The following NFIC variants were observed in gnomAD, a reference collection of about 807,000 sequenced individuals.
The protein encoded by NFIC is nuclear factor 1 C-type.
Under a neutral mutation model 54.4 loss-of-function variants are expected in NFIC, and 12 were observed. The ratio of observed to expected loss-of-function variants is 0.22; its 90% CI spans 0.14 to 0.36. The LOEUF (loss-of-function observed/expected upper bound fraction) is 0.36, where lower values mean the gene tolerates loss of function less well. Among genes scored for constraint, NFIC ranks in the 10% least tolerant of loss-of-function variants. NFIC has a pLI of 1.00. For missense variants in NFIC, 575 were observed against 718.2 expected (o/e 0.80, Z 2.28); for synonymous variants, 322 against 319.2 (o/e 1.01, Z -0.09).
chr19:3,373,625 C>CCCA (rs1555739696), intron 1 of NFIC, among the ~76,000 whole-genome samples: 1 of 124,462 alleles, frequency 8.0e-6, no homozygotes, highest in African/African-American at 3.1e-5. Context: ...GGACCCCCCC[C>CCCA]CCAAGCTAAA....
intron 1 of NFIC, among the ~76,000 whole-genome samples, chr19:3,380,700 C>T (rs2081193063): frequency 6.8e-6 from 1 of 147,558 alleles, no homozygotes; most frequent in Non-Finnish European, 1.5e-5. Context: ...GGCACCATCA[C>T]AGCTCACTGC....
At position 3,464,830 on chromosome 19, in the gene NFIC, G is replaced by C. The variant is rs2082695331; in HGVS notation, c.*2061G>C. On this transcript the variant is annotated 3_prime_UTR_variant, in exon 11 of 11. Transcript: ENST00000443272. ...GTCTGTCCTCGGGGCCCGCTCCCCC[G>C]GTGGCCCTTGGGGATCAAAGCGTGG... 1 of 513,368 alleles carries C rather than the reference G, an allele frequency of 1.9e-6. No homozygotes were observed. The highest frequency in any genetic ancestry group is 2.1e-5 in the African/African-American group (1 of 48,176). 31.8% of individuals were successfully genotyped at this position (513,368 alleles called of 1,614,324 possible). A position where few individuals can be genotyped will look rare whatever the true frequency, so the allele number is the denominator to read the frequency against.
chr19:3,371,067 C>T (rs2080999599), intron 1 of NFIC, among the ~76,000 whole-genome samples: 1 of 152,232 alleles, frequency 6.6e-6, no homozygotes, highest in African/African-American at 2.4e-5. Flanking sequence ...GTGCCCCTCA[C>T]ATCTGCCTGA....
chr19:3,390,386 G>A (rs992347172), intron 2 of NFIC, among the ~76,000 whole-genome samples: 1 of 152,184 alleles, frequency 6.6e-6, no homozygotes, highest in Non-Finnish European at 1.5e-5. Context: ...GGCAGGTGGG[G>A]GTCCAGCTCC....
intron 1 of NFIC, among the ~76,000 whole-genome samples, chr19:3,379,955 T>C (rs1165882834): frequency 1.3e-5 from 2 of 152,078 alleles, no homozygotes; most frequent in African/African-American, 4.8e-5. Context: ...GTGCTGGGAT[T>C]ACAGGTGTGA....
In NFIC at chr19:3,403,519, T is replaced by G. The variant is rs1247787231; in HGVS notation, c.562+21276T>G. On this transcript the variant is annotated intron_variant, in intron 2 of 10. Transcript: ENST00000443272. ...CTACCTCTCCCTCCCCAAGCAAGAC[T>G]GGCATGGAGTCTATTCTCCTGACCC... Among the ~76,000 whole-genome samples, 5 of 152,298 alleles carry G rather than the reference T, an allele frequency of 3.3e-5. No homozygotes were observed. In the South Asian group the frequency reaches 6.2e-4, roughly 19 times the overall value.
chr19:3,406,653 A>T (rs970376738), intron 2 of NFIC, among the ~76,000 whole-genome samples: 4 of 152,186 alleles, frequency 2.6e-5, no homozygotes, highest in African/African-American at 9.6e-5. Context: ...GTTGGCACAG[A>T]TGCTGGCACA....
intron 2 of NFIC, among the ~76,000 whole-genome samples, chr19:3,389,069 T>G (rs1042008800): frequency 6.6e-6 from 1 of 152,052 alleles, no homozygotes; most frequent in African/African-American, 2.4e-5. Context: ...AAAAGTGCCC[T>G]TTGAGGTTAT....
intron 2 of NFIC, among the ~76,000 whole-genome samples, chr19:3,395,416 C>G (rs1246333490): frequency 6.6e-6 from 1 of 151,744 alleles, no homozygotes; most frequent in Non-Finnish European, 1.5e-5. Flanking sequence ...CTTCAACTCC[C>G]AGGTTCAAGT....
chr19:3,457,364 C>T (rs1011040782), intron 10 of NFIC, among the ~76,000 whole-genome samples: 2 of 152,186 alleles, frequency 1.3e-5, no homozygotes, highest in African/African-American at 4.8e-5. Context: ...GAGGGGAAGT[C>T]AATTGCCTGA....
chr19:3,399,529 T>C (rs1018506325), intron 2 of NFIC, among the ~76,000 whole-genome samples: 2 of 151,790 alleles, frequency 1.3e-5, no homozygotes, highest in Non-Finnish European at 2.9e-5. Flanking sequence ...TGAGCTGTGA[T>C]TGGGCCACTG....
At chr19:3,445,128 C>T (rs2082355426) in intron 6 of NFIC, among the ~76,000 whole-genome samples, 1 of 152,198 alleles carries the variant, frequency 6.6e-6, no homozygotes, top group South Asian at 2.1e-4. Flanking sequence ...CAGACATGCA[C>T]ACATGCATGC....
chr19:3,366,713 A>T, intron 1 of NFIC, 47 bp downstream of exon 1: 3 of 1,069,974 alleles, frequency 2.8e-6, no homozygotes, highest in Non-Finnish European at 3.6e-6. Flanking sequence ...CGCCCCCCGC[A>T]TCCCAGCCCC....
intron 6 of NFIC, among the ~76,000 whole-genome samples, chr19:3,436,273 T>C (rs1193086834): frequency 6.6e-6 from 1 of 150,694 alleles, no homozygotes; most frequent in Non-Finnish European, 1.5e-5. Context: ...GCCTCCCAAG[T>C]ATCGGACTGC....
intron 2 of NFIC, among the ~76,000 whole-genome samples, chr19:3,394,169 A>G (rs1252025888): frequency 6.6e-6 from 1 of 151,968 alleles, no homozygotes; most frequent in Non-Finnish European, 1.5e-5. Context: ...TGCAATCCAT[A>G]AACAACAGGA....
intron 2 of NFIC, among the ~76,000 whole-genome samples, chr19:3,384,457 C>T (rs893507259): frequency 4.0e-5 from 6 of 151,816 alleles, no homozygotes; most frequent in East Asian, 1.9e-4. Context: ...GACGCAATCT[C>T]GGCTCACTGC....
intron 2 of NFIC, among the ~76,000 whole-genome samples, chr19:3,404,008 C>T (rs941448899): frequency 4.0e-5 from 6 of 151,410 alleles, no homozygotes; most frequent in African/African-American, 1.5e-4. Flanking sequence ...CTCCCTTCTC[C>T]ACCCCCCCAG....
upstream of NFIC, among the ~76,000 whole-genome samples, chr19:3,362,200 C>CG (rs1467255219): frequency 2.0e-5 from 3 of 152,016 alleles, no homozygotes; most frequent in Admixed American, 1.3e-4. Flanking sequence ...ATGGGAATAC[C>CG]GGGGGGTTCC....
chr19:3,385,570 GTTGTT>G (rs1200392168), intron 2 of NFIC, among the ~76,000 whole-genome samples: 6,919 of 135,532 alleles, frequency 0.051, 195 homozygotes, highest in Middle Eastern at 0.088. Flanking sequence ...TTTGGTTGTT[GTTGTT>G]TTTTTTTTTT....
Sources: gnomAD v4.1 joint callset for allele counts (sites outside exome capture counted in the v4.1 genomes callset) on GRCh38, gnomAD v4.1.1 for gene constraint, MANE v1.5 for transcripts, NCBI Gene and HGNC (gene_info 2026-07-23, HGNC 2026-07-21) for gene names.